MACROD2: variants seen among roughly 807,000 people sequenced by gnomAD.
The protein encoded by MACROD2 is ADP-ribose glycohydrolase MACROD2.
In MACROD2, 36 loss-of-function variants were observed where a neutral mutation model predicts 70.4. The ratio of observed to expected loss-of-function variants is 0.51; its 90% CI spans 0.39 to 0.68. MACROD2 has a LOEUF of 0.68. Ranked by LOEUF, MACROD2 falls within the 30% of genes least tolerant of loss-of-function variation. The pLI is 0.00. For missense variants in MACROD2, 496 were observed against 538.4 expected (o/e 0.92, Z 0.78); for synonymous variants, 172 against 178.8 (o/e 0.96, Z 0.30).
Position 15,461,006 on chromosome 20 carries a change from A to ATATATATATATATATATTTTTT in MACROD2, c.571+29572_571+29573insATATATATATATATATTTTTTT. Among the ~76,000 whole-genome samples, 271 of 66,812 alleles carry ATATATATATATATATATTTTTT rather than the reference A, an allele frequency of 4.1e-3. 1 individual carries two copies. The highest frequency in any genetic ancestry group is 8.0e-3 in the East Asian group (13 of 1,626). 43.8% of individuals were successfully genotyped at this position (66,812 alleles called of 152,430 possible). ...TATATATATATATATATATATATAT[A>ATATATATATATATATATTTTTT]TTTTTTTTTAATAGATGGGGTCTTG... On this transcript the variant is annotated intron_variant, in intron 7 of 17. Transcript: ENST00000684519.
At chr20:14,692,843 T>G (rs2123614550) in intron 5 of MACROD2, among the ~76,000 whole-genome samples, 1 of 152,352 alleles carries the variant, frequency 6.6e-6, no homozygotes, top group Admixed American at 6.5e-5. Context: ...TCTCTTATTT[T>G]GACCCATTGT....
chr20:14,900,046 T>C (rs1414095567), intron 5 of MACROD2, among the ~76,000 whole-genome samples: 1 of 152,160 alleles, frequency 6.6e-6, no homozygotes, highest in Non-Finnish European at 1.5e-5. Context: ...TGTCAAATAC[T>C]TTTTCTGCAT....
At chr20:14,462,180 T>A (rs2084380680) in intron 3 of MACROD2, among the ~76,000 whole-genome samples, 1 of 152,066 alleles carries the variant, frequency 6.6e-6, no homozygotes. Flanking sequence ...TTTCTCCACA[T>A]CCTCTCCAGC....
chr20:15,240,442 A>G (rs1319306522), intron 6 of MACROD2, among the ~76,000 whole-genome samples: 1 of 152,082 alleles, frequency 6.6e-6, no homozygotes, highest in Non-Finnish European at 1.5e-5. Flanking sequence ...GGTGGTGCAC[A>G]CCTAGAGTCC....
chr20:15,399,217 A>G (rs577291934), intron 6 of MACROD2, among the ~76,000 whole-genome samples: 1 of 152,234 alleles, frequency 6.6e-6, no homozygotes, highest in East Asian at 1.9e-4. Flanking sequence ...CACAGTTCCT[A>G]ATAGAATACA....
Position 16,051,000 on chromosome 20 carries a change from G to C in MACROD2, c.*1124G>C, listed in dbSNP as rs1013455210. ...TGAAGGGGAGGATACAGCTCTGAAGGGGGGCAGCAGTACTAAAAACCCAAG... is the reference window on the plus strand; with the variant it reads ...TGAAGGGGAGGATACAGCTCTGAAGCGGGGCAGCAGTACTAAAAACCCAAG... On this transcript the variant is annotated 3_prime_UTR_variant, in exon 18 of 18. Coordinates refer to ENST00000684519, the MANE Select transcript of MACROD2 (RefSeq NM_001351661.2). The C allele has an allele frequency of 6.6e-6, 1 of 152,252 alleles. No individual in the cohort carries two copies. Among genetic ancestry groups the C allele is most frequent in the Non-Finnish European group, 1.5e-5 (1 of 68,106 alleles). 9.4% of individuals were successfully genotyped at this position (152,252 alleles called of 1,614,324 possible). A position where few individuals can be genotyped will look rare whatever the true frequency, so the allele number is the denominator to read the frequency against.
At chr20:15,940,165 C>T (rs1403481495) in intron 12 of MACROD2, among the ~76,000 whole-genome samples, 4 of 152,076 alleles carry the variant, frequency 2.6e-5, no homozygotes, top group Non-Finnish European at 5.9e-5. Context: ...GCGATCTTGG[C>T]TCACTGCAAC....
intron 8 of MACROD2, among the ~76,000 whole-genome samples, chr20:15,527,978 G>A (rs911878583): frequency 6.6e-6 from 1 of 152,164 alleles, no homozygotes; most frequent in Admixed American, 6.5e-5. Context: ...TAAAGACAAG[G>A]ATTTTTGATT....
At chr20:14,359,290 G>A (rs1292431911) in intron 3 of MACROD2, among the ~76,000 whole-genome samples, 1 of 151,992 alleles carries the variant, frequency 6.6e-6, no homozygotes, top group Non-Finnish European at 1.5e-5. Context: ...AATTAAGGGT[G>A]GTTATTACCA....
chr20:14,432,928 G>A (rs957214867), intron 3 of MACROD2, among the ~76,000 whole-genome samples: 4 of 152,004 alleles, frequency 2.6e-5, no homozygotes, highest in Admixed American at 1.3e-4. Flanking sequence ...TCAATATAGA[G>A]AGACTGAAAA....
chr20:15,708,821 T>C (rs2050577701), intron 8 of MACROD2, among the ~76,000 whole-genome samples: 1 of 151,914 alleles, frequency 6.6e-6, no homozygotes, highest in Non-Finnish European at 1.5e-5. Flanking sequence ...GGCCAGGAGT[T>C]CAAGACCAGC....
At chr20:15,344,814 C>A (rs2146212523) in intron 6 of MACROD2, among the ~76,000 whole-genome samples, 1 of 152,308 alleles carries the variant, frequency 6.6e-6, no homozygotes, top group East Asian at 1.9e-4. Flanking sequence ...GTGAGTTATT[C>A]AATCTGACCT....
chr20:14,580,970 T>C (rs1980975382), intron 4 of MACROD2, among the ~76,000 whole-genome samples: 1 of 152,224 alleles, frequency 6.6e-6, no homozygotes, highest in African/African-American at 2.4e-5. Context: ...ACTGATCCTC[T>C]GCTCACCTGG....
chr20:15,917,992 G>T (rs189059795), intron 10 of MACROD2, among the ~76,000 whole-genome samples: 1 of 152,140 alleles, frequency 6.6e-6, no homozygotes, highest in East Asian at 1.9e-4. Context: ...CTGACTCGAG[G>T]TCCTACATGA....
intron 5 of MACROD2, among the ~76,000 whole-genome samples, chr20:15,121,404 T>C (rs1241664347): frequency 6.6e-6 from 1 of 151,262 alleles, no homozygotes; most frequent in East Asian, 1.9e-4. Context: ...TCCCAGCTAT[T>C]TGGGAGGCTG....
At position 15,496,021 on chromosome 20, in the gene MACROD2, G is replaced by T. The variant is rs2047292973; in HGVS notation, c.572-3753G>T. Among the ~76,000 whole-genome samples the T allele has an allele frequency of 5.3e-5, 8 of 152,324 alleles. 1 individual carries two copies. The South Asian group carries it at 1.7e-3, about 32-fold the overall frequency. On this transcript the variant is annotated intron_variant, in intron 7 of 17. Transcript: ENST00000684519. ...TTCAAAGACCAGAAAGAAGGCCAGT[G>T]TCGTTGCAGTGGAGGAAACAAAGAG... is the stretch of plus-strand genomic sequence containing the variant.
chr20:15,725,012 G>A (rs2050840611), intron 8 of MACROD2, among the ~76,000 whole-genome samples: 1 of 152,110 alleles, frequency 6.6e-6, no homozygotes, highest in Admixed American at 6.6e-5. Flanking sequence ...AATCCGGGAG[G>A]CGGAGCTTGC....
At chr20:14,390,804 T>C (rs535941938) in intron 3 of MACROD2, among the ~76,000 whole-genome samples, 30 of 152,164 alleles carry the variant, frequency 2.0e-4, no homozygotes, top group African/African-American at 7.0e-4. Context: ...CATTAACACA[T>C]GAGCAAAGGA....
chr20:14,180,533 CTT>C (rs1299714397), intron 3 of MACROD2, among the ~76,000 whole-genome samples: 11 of 152,112 alleles, frequency 7.2e-5, no homozygotes, highest in African/African-American at 2.4e-4. Flanking sequence ...TTTTTAAAAA[CTT>C]ATACGAATTT....
Sources: allele counts gnomAD v4.1 joint callset (sites outside exome capture counted in the v4.1 genomes callset), GRCh38; gene constraint gnomAD v4.1.1; transcripts MANE v1.5; gene names NCBI Gene and HGNC (gene_info 2026-07-23, HGNC 2026-07-21).